Variants in RGS6 observed in about 807,000 individuals in gnomAD.
RGS6 encodes regulator of G protein signaling 6.
Under a neutral mutation model 78.5 loss-of-function variants are expected in RGS6, and 30 were observed. That is an observed-to-expected ratio of 0.38 (90% confidence interval 0.29 to 0.52). The LOEUF is 0.52. Among genes scored for constraint, RGS6 ranks in the 20% least tolerant of loss-of-function variants. The pLI, the probability that RGS6 is intolerant of heterozygous loss-of-function variation, is 0.85. For missense variants in RGS6, 495 were observed against 609.7 expected, an observed-to-expected ratio of 0.81 and a Z score of 1.98; for synonymous variants, 206 against 206.0, an observed-to-expected ratio of 1.00 and a Z score of 0.00.
intron 2 of RGS6, among the ~76,000 whole-genome samples, chr14:72,054,513 T>C (rs2093511999): frequency 6.6e-6 from 1 of 152,308 alleles, no homozygotes; most frequent in African/African-American, 2.4e-5. Context: ...TTTTTTCTCA[T>C]TGGTATTGGA....
chr14:72,166,133 CACACAG>C (rs2096924000), intron 2 of RGS6, among the ~76,000 whole-genome samples: 1 of 62,270 alleles, frequency 1.6e-5, no homozygotes, highest in Admixed American at 1.4e-4. Flanking sequence ...CACACACACA[CACACAG>C]ACTGACTTTG....
intron 3 of RGS6, among the ~76,000 whole-genome samples, chr14:72,443,960 T>C (rs1269667108): frequency 6.6e-6 from 1 of 152,228 alleles, no homozygotes; most frequent in African/African-American, 2.4e-5. Context: ...CTAATCAATG[T>C]AGCCCATACC....
intron 14 of RGS6, among the ~76,000 whole-genome samples, chr14:72,513,409 G>C (rs929535335): frequency 6.6e-6 from 1 of 152,134 alleles, no homozygotes; most frequent in Admixed American, 6.5e-5. Context: ...CTGTGGACTG[G>C]GTGGGGTATG....
chr14:72,264,923 C>A (rs2058780917), intron 2 of RGS6, among the ~76,000 whole-genome samples: 1 of 152,200 alleles, frequency 6.6e-6, no homozygotes, highest in African/African-American at 2.4e-5. Flanking sequence ...GTACCACGTT[C>A]TGGTGCTTGG....
chr14:72,010,969 ATTG>A (rs2085557944), intron 2 of RGS6, among the ~76,000 whole-genome samples: 1 of 152,218 alleles, frequency 6.6e-6, no homozygotes, highest in Non-Finnish European at 1.5e-5. Flanking sequence ...CTGCCCACTC[ATTG>A]CAGCACTTAT....
chr14:72,502,718 C>T (rs545081010), intron 13 of RGS6, among the ~76,000 whole-genome samples: 9 of 152,196 alleles, frequency 5.9e-5, no homozygotes, highest in South Asian at 2.1e-4. Context: ...GAGCTGAGAT[C>T]GTGCCATTGC....
chr14:71,869,522 C>T, the RGS6 span, among the ~76,000 whole-genome samples: 2 of 152,186 alleles, frequency 1.3e-5, no homozygotes, highest in Non-Finnish European at 2.9e-5. Context: ...ACAGTCACTG[C>T]TGAGACTCAA....
At chr14:72,323,837 A>T (rs1450361193) in intron 2 of RGS6, among the ~76,000 whole-genome samples, 2 of 142,892 alleles carry the variant, frequency 1.4e-5, no homozygotes, top group South Asian at 4.4e-4. Context: ...AAAAAAAAAA[A>T]AAAACTATTG....
intron 3 of RGS6, among the ~76,000 whole-genome samples, chr14:72,401,416 C>T (rs1388045335): frequency 6.6e-6 from 1 of 151,772 alleles, no homozygotes; most frequent in Non-Finnish European, 1.5e-5. Context: ...ACTGTTGTGA[C>T]ACACTCCGTC....
At chr14:72,599,393 C>CTTTT in the RGS6 span, among the ~76,000 whole-genome samples, 16 of 78,216 alleles carry the variant, frequency 2.0e-4, 2 homozygotes, top group Admixed American at 8.2e-4. Flanking sequence ...CTTTTCTTTC[C>CTTTT]TTTTTTTTTT....
At chr14:72,014,392 A>C (rs559012216) in intron 2 of RGS6, among the ~76,000 whole-genome samples, 1 of 152,250 alleles carries the variant, frequency 6.6e-6, no homozygotes, top group Non-Finnish European at 1.5e-5. Flanking sequence ...ATCCTTTAAA[A>C]ATTACCTTTA....
intron 2 of RGS6, among the ~76,000 whole-genome samples, chr14:72,002,887 T>C (rs1366398926): frequency 1.3e-5 from 2 of 152,244 alleles, no homozygotes; most frequent in Non-Finnish European, 2.9e-5. Context: ...TCAGTTACAC[T>C]GAACACTCGT....
chr14:72,263,256 G>A (rs951568981), intron 2 of RGS6, among the ~76,000 whole-genome samples: 2 of 152,178 alleles, frequency 1.3e-5, no homozygotes, highest in African/African-American at 2.4e-5. Context: ...GTCCAAATTA[G>A]TTCATCTTTA....
chr14:72,363,587 T>C (rs958305995), intron 3 of RGS6, among the ~76,000 whole-genome samples: 3 of 152,164 alleles, frequency 2.0e-5, no homozygotes, highest in African/African-American at 7.2e-5. Flanking sequence ...GAAGGTATGA[T>C]TGACACAACC....
chr14:71,947,081 C>T lies in RGS6; in HGVS notation c.-21+14140C>T, dbSNP rs149558556. ...AGCCCCCCTTACAGTGAAATGCTTA[C>T]AGGTAGTTTTGCTTTATTACAGTTA... On this transcript the variant is annotated intron_variant, in intron 1 of 17. Transcript: ENST00000553525. 2.8e-4 allele frequency among the ~76,000 whole-genome samples: 42 copies of T among 152,272 alleles called. No individual in the cohort carries two copies. The East Asian group carries it at 3.1e-3, about 11-fold the overall frequency.
intron 2 of RGS6, among the ~76,000 whole-genome samples, chr14:72,186,453 C>G (rs1302188806): frequency 6.6e-6 from 1 of 152,184 alleles, no homozygotes; most frequent in Non-Finnish European, 1.5e-5. Flanking sequence ...TTTGTTTTGC[C>G]TCCTTTGGGA....
chr14:71,877,528 A>G, the RGS6 span, among the ~76,000 whole-genome samples: 1 of 152,204 alleles, frequency 6.6e-6, no homozygotes. Context: ...CAGCTCTATC[A>G]GGTTATTTAA....
intron 2 of RGS6, among the ~76,000 whole-genome samples, chr14:72,099,775 G>T (rs1333724554): frequency 6.6e-6 from 1 of 152,146 alleles, no homozygotes; most frequent in Non-Finnish European, 1.5e-5. Flanking sequence ...GTTCCTTTTT[G>T]TGAAAGTGAC....
the RGS6 span, among the ~76,000 whole-genome samples, chr14:72,582,796 C>A: frequency 1.3e-5 from 2 of 152,056 alleles, no homozygotes; most frequent in African/African-American, 4.8e-5. Context: ...CACCCTCCAC[C>A]CTGTCTGGTT....
Sources: allele counts gnomAD v4.1 joint callset (sites outside exome capture counted in the v4.1 genomes callset), GRCh38; gene constraint gnomAD v4.1.1; transcripts MANE v1.5; gene names NCBI Gene and HGNC (gene_info 2026-07-23, HGNC 2026-07-21).